Variants in SH3GL2 observed in about 807,000 individuals in gnomAD.
SH3GL2 encodes endophilin-A1.
SH3GL2 carries 24 observed loss-of-function variants against 46.0 expected under a neutral mutation model. That is an observed-to-expected ratio of 0.52 (90% CI 0.38 to 0.73). The LOEUF is 0.73. Among genes scored for constraint, SH3GL2 ranks in the 30% least tolerant of loss-of-function variants. The pLI is 0.00. For missense variants in SH3GL2, 413 were observed against 424.2 expected (o/e 0.97, Z 0.23); for synonymous variants, 196 against 147.1 (o/e 1.33, Z -2.40).
At position 17,709,878 on chromosome 9, in the gene SH3GL2, T is replaced by C. The variant is rs139803042; in HGVS notation, c.46-37188T>C. ...GAAGACACAAAGAGGAGTAAAAATATGCATCCTTTTCTTAAATAGTTGGAA... is the reference window on the plus strand; with the variant it reads ...GAAGACACAAAGAGGAGTAAAAATACGCATCCTTTTCTTAAATAGTTGGAA... On this transcript the variant is annotated intron_variant, in intron 1 of 8. Coordinates refer to ENST00000380607, the MANE Select transcript of SH3GL2 (RefSeq NM_003026.5). 1.2e-3 allele frequency among the ~76,000 whole-genome samples: 188 copies of C among 152,072 alleles called. 1 individual carries two copies. The highest frequency in any genetic ancestry group is 4.4e-3 in the African/African-American group (184 of 41,512).
chr9:17,604,819 G>A (rs1292435283), intron 1 of SH3GL2, among the ~76,000 whole-genome samples: 1 of 152,158 alleles, frequency 6.6e-6, no homozygotes, highest in Non-Finnish European at 1.5e-5. Flanking sequence ...GGTTAGGGTG[G>A]AGGTGTGTTC....
At chr9:17,778,277 G>T (rs138821315) in intron 3 of SH3GL2, among the ~76,000 whole-genome samples, 5 of 152,124 alleles carry the variant, frequency 3.3e-5, no homozygotes, top group African/African-American at 4.8e-5. Context: ...GCAGTTCTGA[G>T]CCCTGGGCAT....
intron 1 of SH3GL2, among the ~76,000 whole-genome samples, chr9:17,737,000 C>A (rs552019641): frequency 2.0e-5 from 3 of 152,134 alleles, no homozygotes; most frequent in Non-Finnish European, 4.4e-5. Context: ...GGCACATATA[C>A]ACCATGGAAT....
chr9:17,672,116 G>A (rs1261615402), intron 1 of SH3GL2, among the ~76,000 whole-genome samples: 1 of 152,218 alleles, frequency 6.6e-6, no homozygotes, highest in Non-Finnish European at 1.5e-5. Context: ...CTACTCTGCA[G>A]TGTGAGGTAA....
intron 1 of SH3GL2, among the ~76,000 whole-genome samples, chr9:17,662,261 T>C (rs939125346): frequency 6.6e-6 from 1 of 152,104 alleles, no homozygotes; most frequent in African/African-American, 2.4e-5. Flanking sequence ...ATGAGATGAG[T>C]TTTTACCATT....
chr9:17,590,776 T>G (rs187584915), intron 1 of SH3GL2: 130 of 152,340 alleles, frequency 8.5e-4, no homozygotes, highest in African/African-American at 3.1e-3. Flanking sequence ...TAATTCATTT[T>G]TGTTTTATTT....
At chr9:17,631,696 C>T (rs2208495) in intron 1 of SH3GL2, among the ~76,000 whole-genome samples, 111 of 152,248 alleles carry the variant, frequency 7.3e-4, no homozygotes, top group African/African-American at 2.6e-3. Context: ...GGCTTTAAAA[C>T]ATCCTTTATT....
intron 1 of SH3GL2, among the ~76,000 whole-genome samples, chr9:17,681,806 C>T (rs1303700431): frequency 1.3e-5 from 2 of 152,024 alleles, no homozygotes; most frequent in Admixed American, 6.6e-5. Context: ...ATCTACCCAT[C>T]TGCCAAAGGT....
chr9:17,583,852 C>G (rs1383792367), intron 1 of SH3GL2, among the ~76,000 whole-genome samples: 2 of 152,114 alleles, frequency 1.3e-5, no homozygotes, highest in Non-Finnish European at 2.9e-5. Context: ...TTACATAAGT[C>G]TTTTCATGCA....
At chr9:17,698,201 C>G (rs544694780) in intron 1 of SH3GL2, among the ~76,000 whole-genome samples, 1 of 152,306 alleles carries the variant, frequency 6.6e-6, no homozygotes, top group African/African-American at 2.4e-5. Flanking sequence ...CAGGCAGTCA[C>G]TTGTCACTTT....
At chr9:17,592,634 G>C (rs575853704) in intron 1 of SH3GL2, among the ~76,000 whole-genome samples, 2 of 152,130 alleles carry the variant, frequency 1.3e-5, no homozygotes, top group Non-Finnish European at 2.9e-5. Flanking sequence ...CACTAAATTA[G>C]AATGGAAGAA....
At position 17,796,119 on chromosome 9, in the gene SH3GL2, A is replaced by T. The variant is rs1588345861; in HGVS notation, c.*376A>T. On this transcript the variant is annotated 3_prime_UTR_variant, in exon 9 of 9. Coordinates refer to ENST00000380607, the MANE Select transcript of SH3GL2 (RefSeq NM_003026.5). The stretch of plus-strand genomic sequence containing the variant: ...AGGGGCCATCTGAAGGTCTCTTTGC[A>T]TTTCTCCATGCAAAGAGGAGAAAGC... 2 of 180,208 alleles carry T rather than the reference A, an allele frequency of 1.1e-5. No individual in the cohort carries two copies. Among genetic ancestry groups the T allele is most frequent in the East Asian group, 2.9e-4 (2 of 6,958 alleles). The allele number at this position is 180,208 out of a possible 1,614,324, so 11.2% of individuals were successfully genotyped here.
intron 1 of SH3GL2, among the ~76,000 whole-genome samples, chr9:17,716,525 A>G (rs1821764550): frequency 6.6e-6 from 1 of 152,172 alleles, no homozygotes. Flanking sequence ...CAGTGGGAAT[A>G]GGCACTCTTC....
At chr9:17,724,617 C>T (rs969386636) in intron 1 of SH3GL2, among the ~76,000 whole-genome samples, 8 of 152,120 alleles carry the variant, frequency 5.3e-5, no homozygotes, top group African/African-American at 1.9e-4. Flanking sequence ...GTTTGAATGT[C>T]TCATAATTCC....
At chr9:17,612,216 C>T (rs904185909) in intron 1 of SH3GL2, among the ~76,000 whole-genome samples, 1 of 152,134 alleles carries the variant, frequency 6.6e-6, no homozygotes, top group African/African-American at 2.4e-5. Flanking sequence ...ACAGAAGGCA[C>T]AGAGGAACAG....
intron 3 of SH3GL2, among the ~76,000 whole-genome samples, chr9:17,771,188 A>G (rs901797932): frequency 3.3e-5 from 5 of 152,136 alleles, no homozygotes; most frequent in African/African-American, 7.2e-5. Flanking sequence ...GATACCTTAC[A>G]TTGAAGTAGG....
At chr9:17,720,055 C>T (rs1427651518) in intron 1 of SH3GL2, among the ~76,000 whole-genome samples, 1 of 151,976 alleles carries the variant, frequency 6.6e-6, no homozygotes, top group Admixed American at 6.6e-5. Flanking sequence ...ACAAAATCAT[C>T]AGTGACAAAG....
At chr9:17,755,447 T>C (rs1822961415) in intron 2 of SH3GL2, among the ~76,000 whole-genome samples, 2 of 152,158 alleles carry the variant, frequency 1.3e-5, no homozygotes, top group Admixed American at 1.3e-4. Flanking sequence ...GAAGTTTTCT[T>C]TTTTGTTGTA....
At chr9:17,653,579 C>G (rs915065355) in intron 1 of SH3GL2, among the ~76,000 whole-genome samples, 1 of 152,078 alleles carries the variant, frequency 6.6e-6, no homozygotes, top group East Asian at 1.9e-4. Flanking sequence ...GAGTTATTAC[C>G]TGCTTCTGTG....
Sources: gnomAD v4.1 joint callset for allele counts (sites outside exome capture counted in the v4.1 genomes callset) on GRCh38, gnomAD v4.1.1 for gene constraint, MANE v1.5 for transcripts, NCBI Gene and HGNC (gene_info 2026-07-23, HGNC 2026-07-21) for gene names.